SMIM9: variants seen among roughly 807,000 people sequenced by gnomAD.
SMIM9 encodes chromosome X open reading frame 68.
Under a neutral mutation model 7.2 loss-of-function variants are expected in SMIM9, and 8 were observed. The observed-to-expected ratio is 1.10, with a 90% CI of 0.65 to 1.99. The LOEUF (loss-of-function observed/expected upper bound fraction) is 1.99. Among genes scored for constraint, SMIM9 ranks in the 30% most tolerant of loss-of-function variants. The probability of loss-of-function intolerance (pLI) is 0.00; values close to 1 mark genes in which losing one functional copy is unlikely to be tolerated. For missense variants in SMIM9, 76 were observed against 69.3 expected, an observed-to-expected ratio of 1.10 and a Z score of -0.34; for synonymous variants, 19 against 26.4, an observed-to-expected ratio of 0.72 and a Z score of 0.86.
At chrX:154,824,162 T>G (rs999837458) in intron 4 of SMIM9, among the ~76,000 whole-genome samples, 1 of 108,877 alleles carries the variant, frequency 9.2e-6, no homozygotes, top group South Asian at 3.9e-4. Context: ...TCGAGACCAT[T>G]CTGGCTAACA....
At chrX:154,828,585 A>G (rs2072431377) in intron 4 of SMIM9, among the ~76,000 whole-genome samples, 1 of 111,907 alleles carries the variant, frequency 8.9e-6, no homozygotes, top group Non-Finnish European at 1.9e-5. Context: ...GGAAAGGTGG[A>G]GGCCTAACTA....
rs782490191 is a variant in SMIM9, at chrX:154,831,090, C to T, written c.-99-135G>A. 121 of 315,933 alleles carry T rather than the reference C, an allele frequency of 3.8e-4. No homozygotes were observed. The East Asian group carries it at 6.1e-3, about 16-fold the overall frequency. The allele number at this position is 315,933 out of a possible 1,213,427, so 26.0% of individuals were successfully genotyped here. A position where few individuals can be genotyped will look rare whatever the true frequency, so the allele number is the denominator to read the frequency against. ...TTTCCAAAGCAAAATATATCCCCTC[C>T]AAGAAAACAAAACAAAACCTGACTA... On this transcript the variant is annotated intron_variant, in intron 2 of 4. Transcript: ENST00000369529.
At position 154,833,799 on chromosome X, in the gene SMIM9, A is replaced by T. The variant is rs184239199; in HGVS notation, c.-210+764T>A. Among the ~76,000 whole-genome samples, 297 of 112,311 alleles carry T rather than the reference A, an allele frequency of 2.6e-3. 1 individual carries two copies. The highest frequency in any genetic ancestry group is 4.6e-3 in the Middle Eastern group (1 of 219). On this transcript the variant is annotated intron_variant, in intron 1 of 4. Coordinates refer to ENST00000369529, the MANE Select transcript of SMIM9 (RefSeq NM_001162936.4). ...CAAAAAATAAAATATTAAAAAAATT[A>T]AAAAAATAATACTTATCCATAGAAG... is the stretch of plus-strand genomic sequence containing the variant.
At chrX:154,824,537 T>C (rs1356320338) in intron 4 of SMIM9, among the ~76,000 whole-genome samples, 3 of 111,193 alleles carry the variant, frequency 2.7e-5, no homozygotes, top group Non-Finnish European at 5.7e-5. Flanking sequence ...CCTATACAAT[T>C]AGTTTTTAAT....
intron 4 of SMIM9, among the ~76,000 whole-genome samples, chrX:154,824,083 C>A (rs191257485): frequency 9.0e-6 from 1 of 110,721 alleles, no homozygotes; most frequent in African/African-American, 3.3e-5. Context: ...GTGGGCCGGG[C>A]GCGGTGGCTC....
rs1164268302 is a variant in SMIM9, at chrX:154,823,521, AT to A, written c.*233del. ...TTACTCTTTTCTCTGTATTTCTCAAATTTTTTTTGCAATAAATATGTATTAC... is the reference window on the plus strand; with the variant it reads ...TTACTCTTTTCTCTGTATTTCTCAAATTTTTTTGCAATAAATATGTATTAC... On this transcript the variant is annotated 3_prime_UTR_variant, in exon 5 of 5. Coordinates refer to ENST00000369529, the MANE Select transcript of SMIM9 (RefSeq NM_001162936.4). 39 of 291,415 alleles carry A rather than the reference AT, an allele frequency of 1.3e-4. No homozygotes were observed. The highest frequency in any genetic ancestry group is 7.2e-4 in the South Asian group (4 of 5,547). The allele number at this position is 291,415 out of a possible 1,213,427, so 24.0% of individuals were successfully genotyped here. A position where few individuals can be genotyped will look rare whatever the true frequency, so the allele number is the denominator to read the frequency against.
At chrX:154,824,376 A>AAT (rs2072411889) in intron 4 of SMIM9, among the ~76,000 whole-genome samples, 1 of 105,675 alleles carries the variant, frequency 9.5e-6, no homozygotes, top group Non-Finnish European at 2.0e-5. Flanking sequence ...AAAAAAAAAA[A>AAT]GAAAAAGAAA....
At chrX:154,824,318 T>C (rs1333680411) in intron 4 of SMIM9, among the ~76,000 whole-genome samples, 3 of 86,156 alleles carry the variant, frequency 3.5e-5, no homozygotes, top group African/African-American at 4.5e-5. Flanking sequence ...ATCACGCCAC[T>C]GCACTCCAGC....
chrX:154,831,797 TC>T (rs1338667920), intron 2 of SMIM9, among the ~76,000 whole-genome samples: 1 of 111,390 alleles, frequency 9.0e-6, no homozygotes, highest in Non-Finnish European at 1.9e-5. Flanking sequence ...GGAATGCTTT[TC>T]CCCCAGGTAT....
At chrX:154,828,898 T>C in intron 4 of SMIM9, among the ~76,000 whole-genome samples, 1 of 111,799 alleles carries the variant, frequency 8.9e-6, no homozygotes, top group Middle Eastern at 4.6e-3. Flanking sequence ...TCTTGCAAAC[T>C]GGCCAACTAT....
Position 154,830,908 on chromosome X carries a change from G to C in SMIM9, c.-52C>G. The C allele has an allele frequency of 9.0e-7, 1 of 1,114,936 alleles. No homozygotes were observed. The highest frequency in any genetic ancestry group is 3.3e-5 in the East Asian group (1 of 30,125). The allele number at this position is 1,114,936 out of a possible 1,213,427, so 91.9% of individuals were successfully genotyped here. On this transcript the variant is annotated 5_prime_UTR_variant, in exon 3 of 5. Transcript: ENST00000369529. The stretch of plus-strand genomic sequence containing the variant: ...AGAGCTGGTAATCCTAGCTCACTCT[G>C]CCAAGGAGAGATGTCTTTGTCCGTA...
chrX:154,824,370 A>G (rs187757006), intron 4 of SMIM9, among the ~76,000 whole-genome samples: 6 of 106,366 alleles, frequency 5.6e-5, no homozygotes, highest in African/African-American at 2.1e-4. Flanking sequence ...AAAAAAAAAA[A>G]AAAAAAGAAA....
chrX:154,830,695 C>T lies in SMIM9; in HGVS notation c.142+20G>A, dbSNP rs2072441539. On this transcript the variant is annotated intron_variant, in intron 3 of 4. Transcript: ENST00000369529. ...TAAGTCCTATGAAGAAAGAAACATT[C>T]ATCCTAACAGCAAACACACCCCCTG... The T allele has an allele frequency of 8.6e-7, 1 of 1,162,853 alleles. No homozygotes were observed. The highest frequency in any genetic ancestry group is 1.9e-5 in the South Asian group (1 of 51,622).
intron 4 of SMIM9, among the ~76,000 whole-genome samples, chrX:154,826,137 G>T (rs1557270233): frequency 1.8e-5 from 2 of 110,568 alleles, no homozygotes; most frequent in Admixed American, 9.5e-5. Context: ...GGATTATTTT[G>T]GTTCTCTTCA....
At chrX:154,830,051 G>T (rs1203236383) in intron 3 of SMIM9, among the ~76,000 whole-genome samples, 1 of 111,559 alleles carries the variant, frequency 9.0e-6, no homozygotes, top group Non-Finnish European at 1.9e-5. Flanking sequence ...GAGTATCCCA[G>T]GAAGAGAAAG....
In SMIM9 at chrX:154,825,260, C is replaced by T. The variant is rs182654909; in HGVS notation, c.273-1478G>A. Among the ~76,000 whole-genome samples, 3 of 110,563 alleles carry T rather than the reference C, an allele frequency of 2.7e-5. No homozygotes were observed. In the East Asian group the frequency reaches 8.5e-4, roughly 31 times the overall value. ...AAAATCAGCTGGCTGGGCGTGGTGA[C>T]GCGTGCCTGTAATCCCAGCTACTCA... On this transcript the variant is annotated intron_variant, in intron 4 of 4. Coordinates refer to ENST00000369529, the MANE Select transcript of SMIM9 (RefSeq NM_001162936.4).
intron 2 of SMIM9, among the ~76,000 whole-genome samples, chrX:154,831,882 C>T (rs782015158): frequency 9.0e-6 from 1 of 111,045 alleles, no homozygotes; most frequent in East Asian, 2.8e-4. Flanking sequence ...CCTTAGATCC[C>T]ATTGTTAAAA....
At position 154,830,829 on chromosome X, in the gene SMIM9, C is replaced by T. The variant is rs868986439; in HGVS notation, c.28G>A (p.Gly10Arg). 8.6e-7 allele frequency: 1 copy of T among 1,164,854 alleles called. No individual in the cohort carries two copies. ...CAAGTTAGAGAGCATAGCAGAAATC[C>T]AATTATCAGCAGCTTCTGGGGTTCC... MEPQKLLII[G>R]FLLCSLTCLL... is the part of the protein sequence containing the mutation. The change falls in exon 3 of 5, where the codon GGA becomes AGA. Residue 10 changes from glycine to arginine, a missense_variant. Transcript: ENST00000369529.
At chrX:154,824,189 C>T (rs2072408881) in intron 4 of SMIM9, among the ~76,000 whole-genome samples, 1 of 108,712 alleles carries the variant, frequency 9.2e-6, no homozygotes. Context: ...AACCCCGTCT[C>T]TACTAAAAAT....
Sources: gnomAD v4.1 joint callset for allele counts (sites outside exome capture counted in the v4.1 genomes callset) on GRCh38, gnomAD v4.1.1 for gene constraint, MANE v1.5 for transcripts, NCBI Gene and HGNC (gene_info 2026-07-23, HGNC 2026-07-21) for gene names.